The following SLC13A5 variants were observed in gnomAD, a reference collection of about 807,000 sequenced individuals.
The protein encoded by SLC13A5 is Na(+)/citrate cotransporter.
Under a neutral mutation model 56.5 loss-of-function variants are expected in SLC13A5, and 25 were observed. The observed-to-expected ratio is 0.44, with a 90% confidence interval of 0.32 to 0.62. The LOEUF (loss-of-function observed/expected upper bound fraction) is 0.62. Among genes scored for constraint, SLC13A5 ranks in the 20% least tolerant of loss-of-function variants. The probability of loss-of-function intolerance (pLI) is 0.04; values close to 1 mark genes in which losing one functional copy is unlikely to be tolerated. For missense variants in SLC13A5, 649 were observed against 737.8 expected (o/e 0.88, Z 1.39); for synonymous variants, 307 against 301.5 (o/e 1.02, Z -0.19).
intron 10 of SLC13A5, chr17:6,689,937 G>A (rs1011633971): frequency 2.0e-5 from 3 of 151,700 alleles, no homozygotes; most frequent in African/African-American, 7.3e-5. Context: ...TCGGAAGAAA[G>A]AACTGAAGGG....
rs749545913 is a variant in SLC13A5, at chr17:6,687,531, T to C, written c.1573A>G (p.Met525Val). The change falls in exon 11 of 12, where the codon ATG (methionine) becomes GTG (valine). Residue 525 changes from methionine (M) to valine (V), a missense_variant and splice_region_variant. By Grantham distance (21) the Met-to-Val change is conservative. Coordinates refer to ENST00000433363, the MANE Select transcript of SLC13A5 (RefSeq NM_177550.5). This position sits in a 1 kb window ranked among gnomAD's most constrained non-coding sequence, Gnocchi z 5.0. The part of the protein sequence containing the change: ...FTYGHLKVAD[M>V]VKTGVIMNII... ...GTAAATAAAAACAGCTGTGTTACCATGTCAGCAACCTTGAGGTGCCCATAG... is the reference window on the plus strand; with the variant it reads ...GTAAATAAAAACAGCTGTGTTACCACGTCAGCAACCTTGAGGTGCCCATAG... The C allele has an allele frequency of 1.2e-6, 2 of 1,613,702 alleles. No individual in the cohort carries two copies. The highest frequency in any genetic ancestry group is 1.7e-6 in the Non-Finnish European group (2 of 1,179,868).
chr17:6,703,921 G>C lies in SLC13A5; in HGVS notation c.504C>G (p.Ala168=). 1 of 1,591,800 alleles carries C rather than the reference G, an allele frequency of 6.3e-7. No individual in the cohort carries two copies. ...TGCCCTTGTCCACCAGCTCCAGGCC[G>C]GCCTCGGTGGCTGCGCTTGTGGCTT... ...QMEATSAATE[A]GLELVDKGKA... is the part of the protein sequence containing the mutation. The change falls in exon 4 of 12, where the codon GCC becomes GCG. Residue 168 remains alanine, a synonymous_variant. Coordinates refer to ENST00000433363, the MANE Select transcript of SLC13A5 (RefSeq NM_177550.5).
chr17:6,690,310 T>C lies in SLC13A5; in HGVS notation c.1437+469A>G, dbSNP rs143128323. ...TCATGTGCACCATTGCCTTTCCTTGTGCTGCTCCATCTTCCCAGAATTCTC... is the reference window on the plus strand; with the variant it reads ...TCATGTGCACCATTGCCTTTCCTTGCGCTGCTCCATCTTCCCAGAATTCTC... On this transcript the variant is annotated intron_variant, in intron 10 of 11. Coordinates refer to ENST00000433363, the MANE Select transcript of SLC13A5 (RefSeq NM_177550.5). 3.7e-3 allele frequency among the ~76,000 whole-genome samples: 567 copies of C among 152,158 alleles called. 8 individuals carry two copies. Among genetic ancestry groups the C allele is most frequent in the African/African-American group, 0.012 (519 of 41,526 alleles).
In SLC13A5 at chr17:6,686,042, A is replaced by C. The variant is rs907918903; in HGVS notation, c.*165T>G. On this transcript the variant is annotated 3_prime_UTR_variant, in exon 12 of 12. Transcript: ENST00000433363. ...TCCAGCTGCCCATGACCATCTCTGCATCTGGGCTTGGAGGAAGAGGTGGCC... is the reference window on the plus strand; with the variant it reads ...TCCAGCTGCCCATGACCATCTCTGCCTCTGGGCTTGGAGGAAGAGGTGGCC... The C allele has an allele frequency of 5.2e-6, 5 of 965,530 alleles. No homozygotes were observed. The highest frequency in any genetic ancestry group is 7.8e-6 in the Non-Finnish European group (5 of 641,300). 59.8% of individuals were successfully genotyped at this position (965,530 alleles called of 1,614,324 possible).
At chr17:6,708,159 G>A (rs1258267515) in intron 1 of SLC13A5, among the ~76,000 whole-genome samples, 2 of 152,276 alleles carry the variant, frequency 1.3e-5, no homozygotes, top group South Asian at 2.1e-4. Flanking sequence ...TAGTAGAGAC[G>A]GGGTTTTGCC....
At chr17:6,698,329 G>C (rs932851545) in intron 6 of SLC13A5, among the ~76,000 whole-genome samples, 5 of 152,236 alleles carry the variant, frequency 3.3e-5, no homozygotes, top group Admixed American at 3.3e-4. Context: ...GCCGTGCCAG[G>C]CTGGGTGGAC....
intron 3 of SLC13A5, among the ~76,000 whole-genome samples, chr17:6,706,067 T>C (rs1973855952): frequency 6.6e-6 from 1 of 152,148 alleles, no homozygotes; most frequent in Non-Finnish European, 1.5e-5. Flanking sequence ...ATTATGATCA[T>C]GATTGATTAT....
rs773383980 is a variant in SLC13A5, at chr17:6,694,147, A to G, written c.1106T>C (p.Ile369Thr). The G allele has an allele frequency of 5.0e-6, 8 of 1,613,668 alleles. No homozygotes were observed. The highest frequency in any genetic ancestry group is 2.7e-5 in the African/African-American group (2 of 74,910). ...VAIFVATLLF[I>T]VPSQKPKFNF... ...AAACTTGGGCTTCTGTGAAGGCACA[A>G]TGAATAGCAGGGTGGCCACAAAGAT... Residue 369 changes from isoleucine to threonine, a missense_variant, in exon 8 of 12, where the codon ATT becomes ACT. Transcript: ENST00000433363.
In SLC13A5 at chr17:6,684,835, C is replaced by G. The variant is rs1470475045; in HGVS notation, c.*1372G>C. On this transcript the variant is annotated 3_prime_UTR_variant, in exon 12 of 12. Coordinates refer to ENST00000433363, the MANE Select transcript of SLC13A5 (RefSeq NM_177550.5). ...CCTTGATGGGGTTTCCTGAGGCTCT[C>G]ATACTTTCTCCTGCCCTGGAAAATG... 3.3e-5 allele frequency: 5 copies of G among 152,272 alleles called. No individual in the cohort carries two copies. Among genetic ancestry groups the G allele is most frequent in the African/African-American group, 1.2e-4 (5 of 41,460 alleles). 9.4% of individuals were successfully genotyped at this position (152,272 alleles called of 1,614,324 possible).
intron 9 of SLC13A5, among the ~76,000 whole-genome samples, chr17:6,691,813 C>T (rs1324496279): frequency 6.6e-6 from 1 of 152,158 alleles, no homozygotes; most frequent in Non-Finnish European, 1.5e-5. Context: ...GACCAACTCA[C>T]CCCCTGGCCT....
rs756871600 is a variant in SLC13A5, at chr17:6,685,286, G to C, written c.*921C>G. ...GGGAGGGCCTAGATAGCCCACTGTG[G>C]CCCCCAGAGCGCCATCACTGCCCAT... On this transcript the variant is annotated 3_prime_UTR_variant, in exon 12 of 12. Coordinates refer to ENST00000433363, the MANE Select transcript of SLC13A5 (RefSeq NM_177550.5). This position sits in a 1 kb window ranked among gnomAD's most constrained non-coding sequence, Gnocchi z 4.2. 1.3e-5 allele frequency: 2 copies of C among 152,206 alleles called. No individual in the cohort carries two copies. Among genetic ancestry groups the C allele is most frequent in the African/African-American group, 4.8e-5 (2 of 41,444 alleles). 9.4% of individuals were successfully genotyped at this position (152,206 alleles called of 1,614,324 possible). A position where few individuals can be genotyped will look rare whatever the true frequency, so the allele number is the denominator to read the frequency against.
rs1183731879 is a variant in SLC13A5 at position 6,695,781 on chromosome 17, C to T, written c.1000G>A (p.Asp334Asn). 2 of 1,614,206 alleles carry T rather than the reference C, an allele frequency of 1.2e-6. No individual in the cohort carries two copies. Among genetic ancestry groups the T allele is most frequent in the African/African-American group, 1.3e-5 (1 of 75,056 alleles). ...AGCCAGCCGGGCATGAAGCCGGGGT[C>T]TCGGGAGAACCACAGGATGACCAGC... Reference protein sequence around the residue: ...FLLVILWFSRDPGFMPGWLTV... With the variant: ...FLLVILWFSRNPGFMPGWLTV... The change falls in exon 7 of 12, where the codon GAC (aspartate) becomes AAC (asparagine). Residue 334 changes from aspartate (D) to asparagine (N), a missense_variant. Transcript: ENST00000433363.
chr17:6,695,874 G>A lies in SLC13A5; in HGVS notation c.907C>T (p.Gln303Ter). The A allele has an allele frequency of 6.2e-7, 1 of 1,614,146 alleles. No homozygotes were observed. The highest frequency in any genetic ancestry group is 8.5e-7 in the Non-Finnish European group (1 of 1,180,032). Residue 303 changes from glutamine to a stop codon, truncating the protein, a stop_gained, in exon 7 of 12, where the codon CAG (glutamine) becomes TAG (stop). Transcript: ENST00000433363. LOFTEE classifies it high-confidence loss of function. ...KNEKAALKVL[Q>*]EEYRKLGPLS... Reference sequence around the variant, plus strand: ...GGCCCCAGCTTCCGGTACTCCTCCTGCAGCACCTTGAGGGCAGCCTTCTCG... The same window carrying A: ...GGCCCCAGCTTCCGGTACTCCTCCTACAGCACCTTGAGGGCAGCCTTCTCG...
At chr17:6,690,063 A>C (rs1434526386) in intron 10 of SLC13A5, 1 of 49,066 alleles carries the variant, frequency 2.0e-5, no homozygotes, top group East Asian at 4.0e-4. Context: ...AGGAAATGCA[A>C]AAAAAAAAAA....
At chr17:6,704,169 C>T in intron 3 of SLC13A5, 113 bp from the exon 4 acceptor site, 1 of 1,124,126 alleles carries the variant, frequency 8.9e-7, no homozygotes. Context: ...GGTGTTGAGG[C>T]CAATTCAAGA....
intron 11 of SLC13A5, chr17:6,686,613 G>A: frequency 2.6e-6 from 1 of 386,110 alleles, no homozygotes; most frequent in Non-Finnish European, 4.9e-6. Context: ...CAACAGCTTA[G>A]GCCATTCAGG....
rs757757749 is a variant in SLC13A5 at position 6,684,967 on chromosome 17, C to G, written c.*1240G>C. The G allele has an allele frequency of 1.1e-5, 1 of 90,086 alleles. No homozygotes were observed. Among genetic ancestry groups the G allele is most frequent in the Non-Finnish European group, 3.3e-5 (1 of 30,556 alleles). 5.6% of individuals were successfully genotyped at this position (90,086 alleles called of 1,614,324 possible). Reference sequence around the variant, plus strand: ...GAAGATGCTTGTCTCTCATGTCTGTCTCTTACAGGGGGGTTCTGAAGATTC... The same window carrying G: ...GAAGATGCTTGTCTCTCATGTCTGTGTCTTACAGGGGGGTTCTGAAGATTC... On this transcript the variant is annotated 3_prime_UTR_variant, in exon 12 of 12. Coordinates refer to ENST00000433363, the MANE Select transcript of SLC13A5 (RefSeq NM_177550.5).
chr17:6,701,371 G>A lies in SLC13A5; in HGVS notation c.717-245C>T, dbSNP rs934352044. ...CCCACTGACTCTTCTGTGTGTCCAG[G>A]CCTTGCTAAGAGTCTCATGGAAGTT... On this transcript the variant is annotated intron_variant, in intron 5 of 11. Coordinates refer to ENST00000433363, the MANE Select transcript of SLC13A5 (RefSeq NM_177550.5). This position sits in a 1 kb window ranked among gnomAD's most constrained non-coding sequence, Gnocchi z 4.1. Among the ~76,000 whole-genome samples, 1 of 152,216 alleles carries A rather than the reference G, an allele frequency of 6.6e-6. No individual in the cohort carries two copies. Among genetic ancestry groups the A allele is most frequent in the Non-Finnish European group, 1.5e-5 (1 of 68,044 alleles).
At chr17:6,694,936 A>G (rs1442998378) in intron 7 of SLC13A5, among the ~76,000 whole-genome samples, 1 of 152,126 alleles carries the variant, frequency 6.6e-6, no homozygotes, top group Admixed American at 6.5e-5. Context: ...CCATTCTGAC[A>G]ACGTCTTAGC....
Sources: allele counts gnomAD v4.1 joint callset (sites outside exome capture counted in the v4.1 genomes callset), GRCh38; gene constraint gnomAD v4.1.1; non-coding constraint Gnocchi (gnomAD v3.1); transcripts MANE v1.5; gene names NCBI Gene and HGNC (gene_info 2026-07-23, HGNC 2026-07-21).